The following PAM variants were observed in gnomAD, a reference collection of about 807,000 sequenced individuals.
PAM encodes peptidylglycine alpha-amidating monooxygenase.
In PAM, 72 loss-of-function variants were observed where a neutral mutation model predicts 122.1. The ratio of observed to expected loss-of-function variants is 0.59; its 90% confidence interval spans 0.49 to 0.72. PAM has a LOEUF of 0.72. Ranked by LOEUF, PAM falls within the 30% of genes least tolerant of loss-of-function variation. The pLI is 0.00. For missense variants in PAM, 1,106 were observed against 1,183.7 expected, an observed-to-expected ratio of 0.93 and a Z score of 0.96; for synonymous variants, 389 against 404.4, an observed-to-expected ratio of 0.96 and a Z score of 0.46.
intron 16 of PAM, among the ~76,000 whole-genome samples, chr5:102,995,110 C>T (rs535593383): frequency 2.1e-4 from 32 of 152,212 alleles, no homozygotes; most frequent in African/African-American, 7.5e-4. Flanking sequence ...TTTCTGGAGC[C>T]TCAGTTAAGA....
rs1778590902 is a variant in PAM, at chr5:103,005,225, A to G, written c.1802A>G (p.Gln601Arg). Residue 601 changes from glutamine (Q) to arginine (R), a missense_variant and splice_region_variant, in exon 18 of 26, where the codon CAG becomes CGG. Coordinates refer to ENST00000438793, the MANE Select transcript of PAM (RefSeq NM_001177306.2). The stretch of plus-strand genomic sequence containing the variant: ...TGGGTCACAGACGTGGCTCTCCATC[A>G]GGTAGTCTTCCTTTTGGTAATATTC... ...NYWVTDVALH[Q>R]VFKLDPNNKE... 1 of 1,257,508 alleles carries G rather than the reference A, an allele frequency of 8.0e-7. No individual in the cohort carries two copies. Among genetic ancestry groups the G allele is most frequent in the Non-Finnish European group, 1.2e-6 (1 of 856,366 alleles). The allele number at this position is 1,257,508 out of a possible 1,614,324, so 77.9% of individuals were successfully genotyped here.
At chr5:102,785,294 C>T (rs554328297) in intron 1 of PAM, among the ~76,000 whole-genome samples, 3 of 152,320 alleles carry the variant, frequency 2.0e-5, no homozygotes, top group African/African-American at 7.2e-5. Flanking sequence ...CAATCTGTAT[C>T]TTAGCAAGCC....
intron 1 of PAM, among the ~76,000 whole-genome samples, chr5:102,839,152 A>G (rs1414129139): frequency 6.6e-6 from 1 of 152,202 alleles, no homozygotes; most frequent in African/African-American, 2.4e-5. Flanking sequence ...AGCCCTCTCT[A>G]TGTAAAATTT....
intron 1 of PAM, among the ~76,000 whole-genome samples, chr5:102,804,471 T>A (rs1355174799): frequency 3.3e-5 from 5 of 152,070 alleles, no homozygotes; most frequent in Non-Finnish European, 7.4e-5. Context: ...GATTTAAGGG[T>A]GATGGGGAGT....
At chr5:102,889,857 T>C (rs1240527108) in intron 3 of PAM, among the ~76,000 whole-genome samples, 8 of 151,910 alleles carry the variant, frequency 5.3e-5, no homozygotes, top group Admixed American at 4.6e-4. Context: ...GTCTCAGAAT[T>C]CCTACTACTT....
At position 102,805,958 on chromosome 5, in the gene PAM, G is replaced by A. The variant is rs142439187; in HGVS notation, c.-374+50610G>A. On this transcript the variant is annotated intron_variant, in intron 1 of 25. Coordinates refer to ENST00000438793, the MANE Select transcript of PAM (RefSeq NM_001177306.2). ...TCACACTTGATTTTTGTTTCTGCTG[G>A]TGGTCTTCCATATTTCCTTCAGCCA... Among the ~76,000 whole-genome samples, 1,167 of 152,196 alleles carry A rather than the reference G, an allele frequency of 7.7e-3. 12 individuals are homozygous for A. The highest frequency in any genetic ancestry group is 0.021 in the African/African-American group (885 of 41,528).
intron 1 of PAM, among the ~76,000 whole-genome samples, chr5:102,756,808 C>T (rs1750513226): frequency 6.6e-6 from 1 of 152,070 alleles, no homozygotes; most frequent in Non-Finnish European, 1.5e-5. Context: ...ATGGTAAGCC[C>T]TGTCGTTCCT....
chr5:102,882,092 T>C (rs1330877611), intron 3 of PAM, among the ~76,000 whole-genome samples: 33 of 97,444 alleles, frequency 3.4e-4, no homozygotes, highest in Admixed American at 1.9e-4. Context: ...TATATATATA[T>C]ATATATATAT....
chr5:102,955,802 T>C (rs897067030), intron 12 of PAM, among the ~76,000 whole-genome samples: 3 of 143,248 alleles, frequency 2.1e-5, no homozygotes, highest in African/African-American at 7.8e-5. Context: ...TTGCATATGT[T>C]GATCTCGGTG....
intron 1 of PAM, among the ~76,000 whole-genome samples, chr5:102,815,490 A>G (rs949276310): frequency 6.6e-6 from 1 of 152,178 alleles, no homozygotes; most frequent in Non-Finnish European, 1.5e-5. Flanking sequence ...GCTAGAATCC[A>G]AGTTTAAACA....
chr5:102,964,772 TAC>T (rs1343639486), intron 14 of PAM, among the ~76,000 whole-genome samples: 3 of 151,804 alleles, frequency 2.0e-5, no homozygotes, highest in African/African-American at 7.2e-5. Context: ...TTATAATGTA[TAC>T]ACAATTTCAT....
chr5:103,000,955 CA>C lies in PAM; in HGVS notation c.1614-2069del, dbSNP rs574226841. On this transcript the variant is annotated intron_variant, in intron 16 of 25. Coordinates refer to ENST00000438793, the MANE Select transcript of PAM (RefSeq NM_001177306.2). ...TCAGTACTCTACATAAATAGGAGAA[CA>C]AAAAAAAATTATTAAATTATATTCT... Among the ~76,000 whole-genome samples, 1,203 of 150,798 alleles carry C rather than the reference CA, an allele frequency of 8.0e-3. 11 individuals carry two copies. The highest frequency in any genetic ancestry group is 0.014 in the Non-Finnish European group (916 of 67,634).
intron 1 of PAM, among the ~76,000 whole-genome samples, chr5:102,852,414 G>C (rs964564533): frequency 2.0e-5 from 3 of 152,010 alleles, no homozygotes; most frequent in Admixed American, 6.6e-5. Flanking sequence ...ATTTAAAAGA[G>C]TAATGCTCTG....
intron 1 of PAM, among the ~76,000 whole-genome samples, chr5:102,853,625 A>G (rs1440723210): frequency 1.3e-5 from 2 of 152,200 alleles, no homozygotes; most frequent in Non-Finnish European, 2.9e-5. Context: ...TTTGTTTCTC[A>G]CAGTAGCCAT....
rs1301959238 is a variant in PAM, at chr5:103,028,220, G to A, written c.2725G>A (p.Val909Ile). ...EHKLETSSGR[V>I]LGRFRGKGSG... Reference sequence around the variant, plus strand: ...CAAACTCGAGACGAGTTCAGGAAGAGTACTGGGAAGATTTAGAGGTATGCC... The same window carrying A: ...CAAACTCGAGACGAGTTCAGGAAGAATACTGGGAAGATTTAGAGGTATGCC... The change falls in exon 25 of 26, where the codon GTA becomes ATA. Residue 909 changes from valine (V) to isoleucine (I), a missense_variant. Physicochemically the swap from Val to Ile is conservative, Grantham distance 29. Around this residue, in one of 3 missense-constraint regions of PAM, gnomAD observed 333 missense variants for 335.6 expected, o/e 0.99. Transcript: ENST00000438793. 3 of 1,611,838 alleles carry A rather than the reference G, an allele frequency of 1.9e-6. No homozygotes were observed. The highest frequency in any genetic ancestry group is 8.5e-7 in the Non-Finnish European group (1 of 1,178,202).
chr5:102,879,702 CTCTTT>C (rs1790352327), intron 3 of PAM, among the ~76,000 whole-genome samples: 1 of 152,142 alleles, frequency 6.6e-6, no homozygotes. Flanking sequence ...CCAATTAAAC[CTCTTT>C]TCTTTATAAA....
At chr5:102,847,826 C>T (rs983541139) in intron 1 of PAM, among the ~76,000 whole-genome samples, 3 of 152,128 alleles carry the variant, frequency 2.0e-5, no homozygotes, top group African/African-American at 7.2e-5. Context: ...AAAGTTTTAT[C>T]TTTAAATACA....
At chr5:102,847,678 C>T (rs7719465) in intron 1 of PAM, among the ~76,000 whole-genome samples, 16,885 of 152,074 alleles carry the variant, frequency 0.11, 2,190 homozygotes, top group African/African-American at 0.31. Flanking sequence ...AATATCATTC[C>T]GCTCTCTAAA....
At chr5:102,946,438 A>T (rs541968229) in intron 7 of PAM, among the ~76,000 whole-genome samples, 11 of 152,010 alleles carry the variant, frequency 7.2e-5, no homozygotes, top group African/African-American at 2.7e-4. Context: ...TACACTTCTT[A>T]GAAAATAAAA....
Sources: allele counts gnomAD v4.1 joint callset (sites outside exome capture counted in the v4.1 genomes callset), GRCh38; gene constraint gnomAD v4.1.1; regional missense constraint gnomAD v4.1.1; transcripts MANE v1.5; gene names NCBI Gene and HGNC (gene_info 2026-07-23, HGNC 2026-07-21).